Variants in TMEM232 observed in about 807,000 individuals in gnomAD.
TMEM232 encodes the protein transmembrane protein 232.
Under a neutral mutation model 78.8 loss-of-function variants are expected in TMEM232, and 80 were observed. That is an observed-to-expected ratio of 1.01 (90% CI 0.85 to 1.22). The LOEUF (loss-of-function observed/expected upper bound fraction) is 1.22, where lower values mean the gene tolerates loss of function less well. Among genes scored for constraint, TMEM232 ranks in the 50% most tolerant of loss-of-function variants. The pLI, the probability that TMEM232 is intolerant of heterozygous loss-of-function variation, is 0.00. For synonymous variants in TMEM232, 297 were observed against 254.3 expected, an observed-to-expected ratio of 1.17 and a Z score of -1.60; for missense variants, 881 against 742.2, an observed-to-expected ratio of 1.19 and a Z score of -2.17.
chr5:110,530,858 TG>T (rs1771353602), intron 11 of TMEM232, among the ~76,000 whole-genome samples: 2 of 152,204 alleles, frequency 1.3e-5, no homozygotes, highest in Non-Finnish European at 2.9e-5. Flanking sequence ...AGATGTTAAA[TG>T]TTCTCAAAAA....
At position 110,678,609 on chromosome 5, in the gene TMEM232, T is replaced by C. The variant is rs1052323826; in HGVS notation, c.-12-11245A>G. Among the ~76,000 whole-genome samples the C allele has an allele frequency of 4.6e-5, 7 of 152,312 alleles. No homozygotes were observed. In the East Asian group the frequency reaches 7.7e-4, roughly 17 times the overall value. On this transcript the variant is annotated intron_variant, in intron 1 of 13. Coordinates refer to ENST00000455884, the MANE Select transcript of TMEM232 (RefSeq NM_001039763.4). ...GGGTTTGGACAAATGTATAATGTCATGTATGCATTATAGTATCATACAGAG... is the reference window on the plus strand; with the variant it reads ...GGGTTTGGACAAATGTATAATGTCACGTATGCATTATAGTATCATACAGAG...
chr5:110,529,211 T>C (rs1771061271), intron 11 of TMEM232, among the ~76,000 whole-genome samples: 2 of 152,312 alleles, frequency 1.3e-5, no homozygotes, highest in South Asian at 4.1e-4. Context: ...TTTTTTTTAA[T>C]GCACAATCTA....
At chr5:110,637,498 T>C (rs1255740446) in intron 5 of TMEM232, among the ~76,000 whole-genome samples, 2 of 151,870 alleles carry the variant, frequency 1.3e-5, no homozygotes, top group African/African-American at 4.8e-5. Context: ...CAGTTTATAA[T>C]CAAAATTTAA....
chr5:110,400,330 A>C (rs1755543225), intron 2 of TMEM232, among the ~76,000 whole-genome samples: 1 of 152,142 alleles, frequency 6.6e-6, no homozygotes, highest in African/African-American at 2.4e-5. Flanking sequence ...TCATGATTTC[A>C]CTGATATTTT....
chr5:110,411,522 T>C (rs1755995432), intron 2 of TMEM232, among the ~76,000 whole-genome samples: 1 of 152,192 alleles, frequency 6.6e-6, no homozygotes, highest in African/African-American at 2.4e-5. Context: ...TTCAGTAGTG[T>C]CAAGTATATT....
At chr5:110,572,682 C>A (rs941377694) in intron 10 of TMEM232, among the ~76,000 whole-genome samples, 2 of 152,006 alleles carry the variant, frequency 1.3e-5, no homozygotes, top group East Asian at 3.9e-4. Context: ...AGTCACAATT[C>A]CTTTTAAATT....
chr5:110,545,552 T>C (rs896335398), intron 11 of TMEM232, among the ~76,000 whole-genome samples: 4 of 152,072 alleles, frequency 2.6e-5, no homozygotes, highest in Non-Finnish European at 4.4e-5. Flanking sequence ...AAACTATTGC[T>C]ATTTATGTCA....
chr5:110,487,380 C>T (rs1303751144), intron 12 of TMEM232, among the ~76,000 whole-genome samples: 1 of 152,010 alleles, frequency 6.6e-6, no homozygotes, highest in African/African-American at 2.4e-5. Context: ...GCATCCTTGT[C>T]TTGTTCCAGT....
chr5:110,458,642 A>G (rs1248833574), intron 12 of TMEM232, among the ~76,000 whole-genome samples: 2 of 152,018 alleles, frequency 1.3e-5, no homozygotes, highest in East Asian at 3.9e-4. Context: ...CCTGCTTTTA[A>G]CCACTCAGTT....
intron 10 of TMEM232, among the ~76,000 whole-genome samples, chr5:110,584,696 A>C (rs1346688755): frequency 1.3e-5 from 2 of 152,088 alleles, no homozygotes; most frequent in African/African-American, 4.8e-5. Context: ...TGACACTATA[A>C]TTTTAGCATT....
Position 110,625,415 on chromosome 5 carries a change from G to A in TMEM232, c.620C>T (p.Ala207Val). The A allele has an allele frequency of 5.2e-6, 8 of 1,526,340 alleles. No individual in the cohort carries two copies. The highest frequency in any genetic ancestry group is 7.0e-6 in the Non-Finnish European group (8 of 1,134,846). 94.5% of individuals were successfully genotyped at this position (1,526,340 alleles called of 1,614,324 possible). Residue 207 changes from alanine (A) to valine (V), a missense_variant, in exon 7 of 14, where the codon GCA (alanine) becomes GTA (valine). Coordinates refer to ENST00000455884, the MANE Select transcript of TMEM232 (RefSeq NM_001039763.4). ...GATGTTTGGATACTTGTGATATGATGCTCCAGAGAAAGAAAGTGCTATTGT... is the reference window on the plus strand; with the variant it reads ...GATGTTTGGATACTTGTGATATGATACTCCAGAGAAAGAAAGTGCTATTGT... ...PYLYALSFSG[A>V]SYHKYPNIFS...
In TMEM232 at chr5:110,599,815, A is replaced by T. The variant is rs185169714; in HGVS notation, c.1276+5294T>A. Among the ~76,000 whole-genome samples, 8 of 152,274 alleles carry T rather than the reference A, an allele frequency of 5.3e-5. No individual in the cohort carries two copies. The East Asian group carries it at 1.5e-3, about 29-fold the overall frequency. On this transcript the variant is annotated intron_variant, in intron 10 of 13. Transcript: ENST00000455884. ...TTGAACTCAGCTCTGGACCAAGTGG[A>T]CCTAATAGACATCTACAAAACTCTC... is the stretch of plus-strand genomic sequence containing the variant.
chr5:110,610,866 T>C (rs983142431), intron 8 of TMEM232, among the ~76,000 whole-genome samples: 3 of 152,148 alleles, frequency 2.0e-5, no homozygotes, highest in African/African-American at 7.2e-5. Flanking sequence ...GAAATGGTGA[T>C]AAATGTTATA....
chr5:110,524,390 A>G (rs916645347), intron 12 of TMEM232, among the ~76,000 whole-genome samples: 6 of 71,924 alleles, frequency 8.3e-5, no homozygotes, highest in Admixed American at 1.3e-4. Flanking sequence ...AAAGAAAGAA[A>G]GAAAGAAAGA....
intron 11 of TMEM232, among the ~76,000 whole-genome samples, chr5:110,552,278 TACTA>T (rs1456543366): frequency 4.6e-5 from 7 of 152,160 alleles, no homozygotes; most frequent in South Asian, 2.1e-4. Context: ...AGTAACGTAT[TACTA>T]ACTAATAGAG....
At chr5:110,665,317 C>T (rs17132257) in intron 2 of TMEM232, among the ~76,000 whole-genome samples, 12,382 of 152,064 alleles carry the variant, frequency 0.081, 580 homozygotes, top group South Asian at 0.18. Flanking sequence ...TCTGATGAAG[C>T]GGGCTGTATA....
intron 10 of TMEM232, among the ~76,000 whole-genome samples, chr5:110,593,978 A>C (rs1483401202): frequency 7.0e-6 from 1 of 141,964 alleles, no homozygotes; most frequent in African/African-American, 2.8e-5. Flanking sequence ...GACATTTTAA[A>C]ATTTTTTAAA....
chr5:110,463,709 T>G (rs923523288), intron 12 of TMEM232, among the ~76,000 whole-genome samples: 2 of 152,194 alleles, frequency 1.3e-5, no homozygotes, highest in African/African-American at 4.8e-5. Flanking sequence ...TTTGCCCACC[T>G]TTTTGACATA....
chr5:110,442,483 A>G (rs754260163), intron 12 of TMEM232, among the ~76,000 whole-genome samples: 1 of 151,918 alleles, frequency 6.6e-6, no homozygotes. Context: ...AATAATTTCA[A>G]TCTTTTTGTT....
Sources: allele counts gnomAD v4.1 joint callset (sites outside exome capture counted in the v4.1 genomes callset), GRCh38; gene constraint gnomAD v4.1.1; transcripts MANE v1.5; gene names NCBI Gene and HGNC (gene_info 2026-07-23, HGNC 2026-07-21).